Variants in FHOD3 observed in about 807,000 individuals in gnomAD.
FHOD3 encodes formin homology 2 domain containing 3, also known as FH1/FH2 domain-containing protein 3.
In FHOD3, 90 loss-of-function variants were observed where a neutral mutation model predicts 173.0. That is an observed-to-expected ratio of 0.52 (90% CI 0.44 to 0.62). The LOEUF is 0.62. Among genes scored for constraint, FHOD3 ranks in the 20% least tolerant of loss-of-function variants. The pLI is 0.00. For missense variants in FHOD3, 1,945 were observed against 2,034.7 expected, an observed-to-expected ratio of 0.96 and a Z score of 0.85; for synonymous variants, 828 against 823.0, an observed-to-expected ratio of 1.01 and a Z score of -0.10.
At chr18:36,368,286 T>C (rs963713374) in intron 2 of FHOD3, among the ~76,000 whole-genome samples, 1 of 152,146 alleles carries the variant, frequency 6.6e-6, no homozygotes, top group Non-Finnish European at 1.5e-5. Flanking sequence ...GTGCATCTCA[T>C]AGAGTACATC....
rs142171306 is a variant in FHOD3 at position 36,531,021 on chromosome 18, G to A, written c.511+18478G>A. Among the ~76,000 whole-genome samples the A allele has an allele frequency of 2.4e-3, 370 of 152,306 alleles. 2 individuals are homozygous for A. Among genetic ancestry groups the A allele is most frequent in the Middle Eastern group, 0.01 (3 of 294 alleles). On this transcript the variant is annotated intron_variant, in intron 5 of 28. Coordinates refer to ENST00000590592, the MANE Select transcript of FHOD3 (RefSeq NM_001281740.3). ...CTGTGACCATGGTTGAATTAGTTCA[G>A]TGTCCAATGGCTGGCCTGGCTGGAC... is the stretch of plus-strand genomic sequence containing the variant.
intron 1 of FHOD3, among the ~76,000 whole-genome samples, chr18:36,319,548 A>G (rs923802729): frequency 1.3e-5 from 2 of 152,228 alleles, no homozygotes; most frequent in African/African-American, 4.8e-5. Context: ...GGAGACTTTA[A>G]CACTCCACTG....
intron 2 of FHOD3, among the ~76,000 whole-genome samples, chr18:36,361,692 AAAAAAAAAAG>A (rs1285297980): frequency 1.3e-5 from 2 of 151,950 alleles, no homozygotes; most frequent in Non-Finnish European, 2.9e-5. Context: ...TCTCAAAAAA[AAAAAAAAAAG>A]AAAAAAAAAG....
chr18:36,760,689 G>C lies in FHOD3; in HGVS notation c.4531G>C (p.Glu1511Gln). 1 of 1,613,332 alleles carries C rather than the reference G, an allele frequency of 6.2e-7. No homozygotes were observed. Among genetic ancestry groups the C allele is most frequent in the Non-Finnish European group, 8.5e-7 (1 of 1,180,026 alleles). The part of the protein sequence containing the change: ...LSYAEDAAEH[E>Q]NMKAVLKTSS... ...CTATGCGGAGGACGCGGCTGAGCAC[G>C]AGAACATGAAGGCTGTGCTGAAAAC... The change falls in exon 27 of 29, where the codon GAG (glutamate) becomes CAG (glutamine). Residue 1511 changes from glutamate to glutamine, a missense_variant. By Grantham distance (29) the Glu-to-Gln change is conservative. Transcript: ENST00000590592.
chr18:36,660,568 A>C (rs1568565828), intron 14 of FHOD3, among the ~76,000 whole-genome samples: 1 of 152,170 alleles, frequency 6.6e-6, no homozygotes, highest in Non-Finnish European at 1.5e-5. Flanking sequence ...TGCCGCCTGG[A>C]GGGTAAGAGG....
At chr18:36,760,842 C>T in intron 27 of FHOD3, 60 bp downstream of exon 27, 4 of 1,502,634 alleles carry the variant, frequency 2.7e-6, no homozygotes, top group Non-Finnish European at 3.6e-6. Context: ...CTGGGGGGGT[C>T]CGGTCTCCAT....
chr18:36,522,588 GAAAT>G (rs1198217409), intron 5 of FHOD3, among the ~76,000 whole-genome samples: 1 of 152,196 alleles, frequency 6.6e-6, no homozygotes, highest in Non-Finnish European at 1.5e-5. Context: ...ACCTGCCTCT[GAAAT>G]AGATGGACTG....
At chr18:36,616,330 C>A (rs758407301) in intron 9 of FHOD3, among the ~76,000 whole-genome samples, 1 of 152,184 alleles carries the variant, frequency 6.6e-6, no homozygotes, top group Non-Finnish European at 1.5e-5. Context: ...CAGAGGCCAG[C>A]ATGATGCGGA....
At chr18:36,642,962 CATT>C (rs1417710198) in intron 10 of FHOD3, among the ~76,000 whole-genome samples, 2 of 151,534 alleles carry the variant, frequency 1.3e-5, no homozygotes, top group Admixed American at 1.3e-4. Context: ...ACATATGACA[CATT>C]AGTTTATATA....
chr18:36,335,823 A>G (rs901494823), intron 1 of FHOD3, among the ~76,000 whole-genome samples: 1 of 152,074 alleles, frequency 6.6e-6, no homozygotes, highest in Admixed American at 6.6e-5. Context: ...GTTGCTAGAC[A>G]GGGGTGGCTC....
intron 17 of FHOD3, among the ~76,000 whole-genome samples, chr18:36,695,340 A>G (rs2149519201): frequency 6.7e-6 from 1 of 149,948 alleles, no homozygotes; most frequent in African/African-American, 2.5e-5. Context: ...AGAGTGAGAC[A>G]CCGTCTCAAA....
chr18:36,712,638 C>G (rs1052267787), intron 18 of FHOD3, among the ~76,000 whole-genome samples: 1 of 152,078 alleles, frequency 6.6e-6, no homozygotes, highest in East Asian at 1.9e-4. Flanking sequence ...CAATAAGACT[C>G]GATCTAACGC....
chr18:36,414,414 C>T (rs1220887807), intron 3 of FHOD3, among the ~76,000 whole-genome samples: 2 of 152,202 alleles, frequency 1.3e-5, no homozygotes, highest in South Asian at 2.1e-4. Flanking sequence ...ATAAAGGACA[C>T]GTAAGGGTGG....
chr18:36,653,760 A>G (rs1398059731), intron 13 of FHOD3, among the ~76,000 whole-genome samples: 3 of 152,182 alleles, frequency 2.0e-5, no homozygotes, highest in Admixed American at 1.3e-4. Flanking sequence ...CAGTCGTCCA[A>G]AAATCAATAG....
chr18:36,534,480 A>AT (rs1167718373), intron 5 of FHOD3, among the ~76,000 whole-genome samples: 2 of 151,484 alleles, frequency 1.3e-5, no homozygotes, highest in East Asian at 1.9e-4. Context: ...TTATTTATTT[A>AT]TTTTTTATTA....
intron 2 of FHOD3, among the ~76,000 whole-genome samples, chr18:36,359,235 G>A (rs1414964069): frequency 1.3e-5 from 2 of 152,194 alleles, no homozygotes; most frequent in African/African-American, 4.8e-5. Flanking sequence ...TGTGTTCTGA[G>A]TTTCCTTGCT....
intron 5 of FHOD3, among the ~76,000 whole-genome samples, chr18:36,562,189 G>A (rs1318918863): frequency 6.6e-6 from 1 of 151,990 alleles, no homozygotes; most frequent in Admixed American, 6.6e-5. Flanking sequence ...GCTAATTTTT[G>A]TACTGTTGGT....
At chr18:36,498,989 C>T (rs2054881970) in intron 3 of FHOD3, among the ~76,000 whole-genome samples, 1 of 152,164 alleles carries the variant, frequency 6.6e-6, no homozygotes, top group Non-Finnish European at 1.5e-5. Flanking sequence ...GAGACTTTAA[C>T]TGTGATATTT....
intron 8 of FHOD3, among the ~76,000 whole-genome samples, chr18:36,607,226 G>T (rs12956202): frequency 6.6e-6 from 1 of 152,100 alleles, no homozygotes; most frequent in South Asian, 2.1e-4. Context: ...GGTCACCATG[G>T]CTCCACGGCT....
Sources: allele counts gnomAD v4.1 joint callset (sites outside exome capture counted in the v4.1 genomes callset), GRCh38; gene constraint gnomAD v4.1.1; transcripts MANE v1.5; gene names NCBI Gene and HGNC (gene_info 2026-07-23, HGNC 2026-07-21).